The following NR2F1-AS1 variants were observed in gnomAD, a reference collection of about 807,000 sequenced individuals.
The protein encoded by NR2F1-AS1 is NR2F1 antisense RNA 1.
chr5:93,414,917 A>G (rs987522815), intron 4 of NR2F1-AS1, among the ~76,000 whole-genome samples: 1 of 152,226 alleles, frequency 6.6e-6, no homozygotes, highest in South Asian at 2.1e-4. Flanking sequence ...GCAGTTAAAA[A>G]AAAAAGTTAG....
At chr5:93,422,151 C>T (rs1749102044) in intron 4 of NR2F1-AS1, 1 of 152,228 alleles carries the variant, frequency 6.6e-6, no homozygotes, top group South Asian at 2.1e-4. Context: ...CAGCTGTTTG[C>T]CAAATATTCA....
intron 4 of NR2F1-AS1, among the ~76,000 whole-genome samples, chr5:93,433,938 G>A (rs1037461269): frequency 6.6e-6 from 1 of 151,946 alleles, no homozygotes; most frequent in Non-Finnish European, 1.5e-5. Flanking sequence ...TGACCTACAC[G>A]CAGCCTCCCT....
At chr5:93,557,573 T>C (rs1752387956) in intron 2 of NR2F1-AS1, among the ~76,000 whole-genome samples, 1 of 151,866 alleles carries the variant, frequency 6.6e-6, no homozygotes, top group Non-Finnish European at 1.5e-5. Context: ...AAATACTTTA[T>C]TGCTAAAAAA....
At chr5:93,463,559 G>A (rs1033415499) in intron 4 of NR2F1-AS1, among the ~76,000 whole-genome samples, 5 of 152,092 alleles carry the variant, frequency 3.3e-5, no homozygotes, top group African/African-American at 7.2e-5. Flanking sequence ...TAGATCCACC[G>A]ACAGCTTGCA....
chr5:93,482,558 T>A (rs1400100066), intron 4 of NR2F1-AS1, among the ~76,000 whole-genome samples: 2 of 152,102 alleles, frequency 1.3e-5, no homozygotes, highest in Non-Finnish European at 2.9e-5. Context: ...TACAGGAGTT[T>A]TTTTTTTATA....
intron 4 of NR2F1-AS1, among the ~76,000 whole-genome samples, chr5:93,496,756 T>C (rs533576395): frequency 1.3e-5 from 2 of 152,306 alleles, no homozygotes; most frequent in African/African-American, 4.8e-5. Context: ...GATATTCATA[T>C]TTGGTATCTC....
intron 4 of NR2F1-AS1, among the ~76,000 whole-genome samples, chr5:93,518,930 T>C (rs902784454): frequency 6.6e-6 from 1 of 152,058 alleles, no homozygotes; most frequent in Non-Finnish European, 1.5e-5. Context: ...TAAAGTAGAC[T>C]TAAAGTAGAT....
At chr5:93,474,723 A>T (rs1440986201) in intron 4 of NR2F1-AS1, among the ~76,000 whole-genome samples, 1 of 152,172 alleles carries the variant, frequency 6.6e-6, no homozygotes, top group Non-Finnish European at 1.5e-5. Flanking sequence ...CCCTACCCTA[A>T]TCATGACTCT....
chr5:93,420,850 T>A lies in NR2F1-AS1; in HGVS notation n.639-25308A>T, dbSNP rs567033173. On this transcript the variant is annotated intron_variant and non_coding_transcript_variant, in intron 4 of 5. Transcript: ENST00000660523. ...TGCCAAAGAGCTGGCTGTGCTACAG[T>A]CATGACAAAAACTCAGCAGAACCAA... Among the ~76,000 whole-genome samples the A allele has an allele frequency of 3.3e-5, 5 of 152,268 alleles. No individual in the cohort carries two copies. The East Asian group carries it at 5.8e-4, about 18-fold the overall frequency.
rs569446254 is a variant in NR2F1-AS1, at chr5:93,413,220, A to G, written n.639-17678T>C. 4.2e-3 allele frequency among the ~76,000 whole-genome samples: 615 copies of G among 146,620 alleles called. 7 individuals are homozygous for G. Among genetic ancestry groups the G allele is most frequent in the African/African-American group, 0.014 (541 of 38,632 alleles). ...TATGTATATATATGTATATATATAT[A>G]TGTGTGTGTATATATATATATATAT... On this transcript the variant is annotated intron_variant and non_coding_transcript_variant, in intron 4 of 5. Coordinates refer to ENST00000660523, the Ensembl canonical transcript of NR2F1-AS1.
chr5:93,492,508 T>C (rs1030569643), intron 4 of NR2F1-AS1, among the ~76,000 whole-genome samples: 4 of 152,156 alleles, frequency 2.6e-5, no homozygotes, highest in Admixed American at 2.0e-4. Flanking sequence ...ACTTTTCCAA[T>C]AAAGCAGGAG....
chr5:93,577,586 A>G (rs1752924687), intron 1 of NR2F1-AS1, among the ~76,000 whole-genome samples: 1 of 152,204 alleles, frequency 6.6e-6, no homozygotes, highest in Non-Finnish European at 1.5e-5. Context: ...AGTAATCACA[A>G]AACATTAGAT....
intron 4 of NR2F1-AS1, among the ~76,000 whole-genome samples, chr5:93,435,607 G>A (rs1749417077): frequency 6.6e-6 from 1 of 152,172 alleles, no homozygotes; most frequent in Non-Finnish European, 1.5e-5. Context: ...GTATGCTCCT[G>A]CAGTAGGGCT....
At chr5:93,543,749 A>G (rs1444412047) in intron 4 of NR2F1-AS1, 1 of 152,182 alleles carries the variant, frequency 6.6e-6, no homozygotes, top group Non-Finnish European at 1.5e-5. Context: ...TCTTATAATT[A>G]CTGTTGGCCA....
At chr5:93,540,096 G>A (rs1278939804) in intron 4 of NR2F1-AS1, among the ~76,000 whole-genome samples, 4 of 152,138 alleles carry the variant, frequency 2.6e-5, no homozygotes, top group African/African-American at 9.7e-5. Flanking sequence ...AAATTTCTAT[G>A]TGATCAGTTT....
chr5:93,429,659 T>C (rs1749269330), intron 4 of NR2F1-AS1, among the ~76,000 whole-genome samples: 1 of 152,230 alleles, frequency 6.6e-6, no homozygotes, highest in Non-Finnish European at 1.5e-5. Context: ...TCCTTATCAG[T>C]AACATATTCA....
chr5:93,451,768 T>C (rs1310361953), intron 4 of NR2F1-AS1, among the ~76,000 whole-genome samples: 1 of 152,152 alleles, frequency 6.6e-6, no homozygotes, highest in Admixed American at 6.5e-5. Context: ...ATCTCTCCTT[T>C]TTTCCCTACC....
intron 2 of NR2F1-AS1, among the ~76,000 whole-genome samples, chr5:93,561,745 C>T (rs1382875930): frequency 6.6e-6 from 1 of 151,846 alleles, no homozygotes; most frequent in Non-Finnish European, 1.5e-5. Context: ...TGCACTCCAG[C>T]TCAGGCAACA....
chr5:93,569,782 G>A (rs1237362022), intron 1 of NR2F1-AS1: 2 of 152,208 alleles, frequency 1.3e-5, no homozygotes, highest in Non-Finnish European at 2.9e-5. Flanking sequence ...CTGAGCTTAG[G>A]CCAGTGAATC....
Sources: gnomAD v4.1 joint callset for allele counts (sites outside exome capture counted in the v4.1 genomes callset) on GRCh38, gnomAD v4.1.1 for gene constraint, MANE v1.5 for transcripts, NCBI Gene and HGNC (gene_info 2026-07-23, HGNC 2026-07-21) for gene names.